TNFSF11: variants seen among roughly 807,000 people sequenced by gnomAD.
TNFSF11 encodes the protein tumor necrosis factor ligand superfamily member 11.
TNFSF11 carries 12 observed loss-of-function variants against 32.2 expected under a neutral mutation model. The ratio of observed to expected loss-of-function variants is 0.37; its 90% CI spans 0.24 to 0.60. TNFSF11 has a LOEUF of 0.60. Ranked by LOEUF, TNFSF11 falls within the 20% of genes least tolerant of loss-of-function variation. The pLI is 0.66. For synonymous variants in TNFSF11, 172 were observed against 152.1 expected (o/e 1.13, Z -0.96); for missense variants, 345 against 398.0 (o/e 0.87, Z 1.13).
At chr13:42,603,588 C>T (rs965378181) in intron 4 of TNFSF11, among the ~76,000 whole-genome samples, 1 of 152,112 alleles carries the variant, frequency 6.6e-6, no homozygotes, top group Non-Finnish European at 1.5e-5. Context: ...TGACAATACC[C>T]TCCCTTTTCT....
chr13:42,584,238 C>T (rs926791122), intron 2 of TNFSF11, among the ~76,000 whole-genome samples: 5 of 152,158 alleles, frequency 3.3e-5, no homozygotes, highest in Admixed American at 3.3e-4. Flanking sequence ...CTGTGTGTCT[C>T]TCTGTGAGTG....
intron 2 of TNFSF11, among the ~76,000 whole-genome samples, chr13:42,593,457 G>T (rs896104262): frequency 6.6e-6 from 1 of 152,168 alleles, no homozygotes; most frequent in Non-Finnish European, 1.5e-5. Flanking sequence ...GAGGTAGGAA[G>T]CTATTATGCT....
chr13:42,604,283 A>C (rs1869334108), intron 4 of TNFSF11, among the ~76,000 whole-genome samples: 3 of 152,210 alleles, frequency 2.0e-5, no homozygotes, highest in African/African-American at 2.4e-5. Context: ...TGCTTTTACT[A>C]GTGTTCATGA....
At chr13:42,586,377 A>G (rs997554676) in intron 2 of TNFSF11, among the ~76,000 whole-genome samples, 5 of 152,256 alleles carry the variant, frequency 3.3e-5, no homozygotes, top group African/African-American at 1.2e-4. Flanking sequence ...GCCATTCAGA[A>G]TGTTACAAGC....
intron 4 of TNFSF11, among the ~76,000 whole-genome samples, chr13:42,602,482 G>A (rs1481504505): frequency 6.6e-6 from 1 of 152,194 alleles, no homozygotes; most frequent in African/African-American, 2.4e-5. Context: ...GGACAAGGGG[G>A]AATTTTTCCT....
intron 2 of TNFSF11, among the ~76,000 whole-genome samples, chr13:42,599,349 C>CTATCTATCTATCATCTATCT (rs11385072): frequency 6.1e-4 from 69 of 112,236 alleles, no homozygotes; most frequent in East Asian, 1.1e-3. Flanking sequence ...ATCTATCTAT[C>CTATCTATCTATCATCTATCT]ATCTATCTAT....
chr13:42,565,450 G>C (rs8000846), intron 1 of TNFSF11, among the ~76,000 whole-genome samples: 123,159 of 152,026 alleles, frequency 0.81, 50,098 homozygotes, highest in South Asian at 0.87. Context: ...GCTTTGTGGG[G>C]ACAACAATTA....
At chr13:42,576,528 T>C (rs1162183345) in intron 1 of TNFSF11, among the ~76,000 whole-genome samples, 1 of 152,258 alleles carries the variant, frequency 6.6e-6, no homozygotes, top group African/African-American at 2.4e-5. Flanking sequence ...TCATCAGACT[T>C]CTGGGTACGG....
chr13:42,606,497 G>A lies in TNFSF11; in HGVS notation c.533G>A (p.Gly178Asp). The A allele has an allele frequency of 6.2e-7, 1 of 1,614,142 alleles. No homozygotes were observed. The change falls in exon 5 of 5, where the codon GGT (glycine) becomes GAT (aspartate). Residue 178 changes from glycine to aspartate, a missense_variant and splice_region_variant. By Grantham distance (94) the Gly-to-Asp change is moderately conservative. Around this residue, in one of 2 missense-constraint regions of TNFSF11, gnomAD observed 148 missense variants for 216.0 expected, o/e 0.69. Coordinates refer to ENST00000398795, the MANE Select transcript of TNFSF11 (RefSeq NM_003701.4). The stretch of plus-strand genomic sequence containing the variant: ...AATCTTATGCCTCTCTTCTCCACAG[G>A]TTCCCATAAAGTGAGTCTGTCCTCT... Reference protein sequence around the residue: ...LTINATDIPSGSHKVSLSSWY... With the variant: ...LTINATDIPSDSHKVSLSSWY...
intron 2 of TNFSF11, among the ~76,000 whole-genome samples, chr13:42,583,142 G>A (rs1374999884): frequency 6.6e-6 from 1 of 151,984 alleles, no homozygotes; most frequent in African/African-American, 2.4e-5. Flanking sequence ...CAGGCACGGT[G>A]GCTCACACTT....
At chr13:42,602,276 T>A (rs1384661176) in intron 4 of TNFSF11, among the ~76,000 whole-genome samples, 2 of 152,128 alleles carry the variant, frequency 1.3e-5, no homozygotes, top group African/African-American at 4.8e-5. Context: ...TGAAATGAGG[T>A]AGACTGCTAA....
At chr13:42,595,870 G>A (rs1484410036) in intron 2 of TNFSF11, among the ~76,000 whole-genome samples, 3 of 152,154 alleles carry the variant, frequency 2.0e-5, no homozygotes, top group South Asian at 4.1e-4. Context: ...CAAAGAAACC[G>A]GCAGTGCCGT....
chr13:42,571,836 T>C (rs922058013), upstream of TNFSF11: 2 of 152,230 alleles, frequency 1.3e-5, no homozygotes, highest in Non-Finnish European at 2.9e-5. Flanking sequence ...TGATAAGATA[T>C]AGCATGGCTT....
Position 42,581,699 on chromosome 13 carries a change from G to T in TNFSF11, c.387+406G>T, listed in dbSNP as rs565443731. On this transcript the variant is annotated intron_variant, in intron 2 of 4. Transcript: ENST00000398795. ...TTCTGTTTGGCTTCGTAATGGCAGG[G>T]CCCCTTATTCCACATCTGTTGATCC... is the stretch of plus-strand genomic sequence containing the variant. 1.7e-4 allele frequency among the ~76,000 whole-genome samples: 26 copies of T among 152,226 alleles called. No homozygotes were observed. In the South Asian group the frequency reaches 5.0e-3, roughly 29 times the overall value.
intron 2 of TNFSF11, among the ~76,000 whole-genome samples, chr13:42,588,489 G>C (rs1360559719): frequency 2.0e-5 from 3 of 152,190 alleles, no homozygotes; most frequent in African/African-American, 7.2e-5. Flanking sequence ...GGGATCTTGG[G>C]CTAACCTTCC....
In TNFSF11 at chr13:42,564,366, G is replaced by A. The variant is rs148965059; in HGVS notation, c.-302+1403G>A. ...GTGGACCACCTGAGGTCAGGAGTTC[G>A]AGACCAGCCTGACCAATACGGAGAA... On this transcript the variant is annotated intron_variant, in intron 1 of 6. Coordinates refer to the TNFSF11 transcript ENST00000358545. Among the ~76,000 whole-genome samples the A allele has an allele frequency of 2.6e-3, 398 of 152,178 alleles. 3 individuals are homozygous for A. The highest frequency in any genetic ancestry group is 9.2e-3 in the African/African-American group (381 of 41,518).
intron 1 of TNFSF11, among the ~76,000 whole-genome samples, chr13:42,579,970 A>G (rs2137863597): frequency 6.6e-6 from 1 of 152,252 alleles, no homozygotes; most frequent in South Asian, 2.1e-4. Context: ...AGATATGGAT[A>G]GGCTCTTTTT....
rs1256985702 is a variant in TNFSF11 at position 42,606,907 on chromosome 13, G to C, written c.943G>C (p.Asp315His). The C allele has an allele frequency of 1.9e-6, 3 of 1,614,022 alleles. No homozygotes were observed. Among genetic ancestry groups the C allele is most frequent in the Non-Finnish European group, 2.5e-6 (3 of 1,180,034 alleles). Residue 315 changes from aspartate to histidine, a missense_variant, in exon 5 of 5, where the codon GAT (aspartate) becomes CAT (histidine). Asp to His is a moderately conservative substitution (Grantham distance 81). This residue lies in a region of TNFSF11 where 148 missense variants were observed against 216.0 expected (regional missense o/e 0.69). Coordinates refer to ENST00000398795, the MANE Select transcript of TNFSF11 (RefSeq NM_003701.4). ...ATACTTTGGGGCTTTTAAAGTTCGA[G>C]ATATAGATTGAGCCCCAGTTTTTGG... ...ATYFGAFKVR[D>H]ID
chr13:42,607,180 G>T lies in TNFSF11; in HGVS notation c.*262G>T, dbSNP rs1594485124. The T allele has an allele frequency of 4.3e-6, 2 of 463,292 alleles. No individual in the cohort carries two copies. Among genetic ancestry groups the T allele is most frequent in the East Asian group, 8.4e-5 (2 of 23,670 alleles). 28.7% of individuals were successfully genotyped at this position (463,292 alleles called of 1,614,324 possible). A position where few individuals can be genotyped will look rare whatever the true frequency, so the allele number is the denominator to read the frequency against. On this transcript the variant is annotated 3_prime_UTR_variant, in exon 5 of 5. Transcript: ENST00000398795. The stretch of plus-strand genomic sequence containing the variant: ...ATTAAACCAGATTGGAGCAATTACG[G>T]GGTGACCTTATGAGAAACTGCATGT...
Sources: allele counts gnomAD v4.1 joint callset (sites outside exome capture counted in the v4.1 genomes callset), GRCh38; gene constraint gnomAD v4.1.1; regional missense constraint gnomAD v4.1.1; transcripts MANE v1.5; gene names NCBI Gene and HGNC (gene_info 2026-07-23, HGNC 2026-07-21).